The following ROBO2 variants were observed in gnomAD, a reference collection of about 807,000 sequenced individuals.
The protein encoded by ROBO2 is roundabout homolog 2.
ROBO2 carries 53 observed loss-of-function variants against 160.8 expected under a neutral mutation model. The observed-to-expected ratio is 0.33, with a 90% CI of 0.26 to 0.41. ROBO2 has a LOEUF of 0.41. ROBO2 is among the 10% of genes least tolerant of loss of function. The pLI, the probability that ROBO2 is intolerant of heterozygous loss-of-function variation, is 1.00. For synonymous variants in ROBO2, 664 were observed against 611.7 expected (o/e 1.09, Z -1.26); for missense variants, 1,577 against 1,722.4 (o/e 0.92, Z 1.49).
At chr3:76,032,168 T>G (rs1311170541) in intron 2 of ROBO2, among the ~76,000 whole-genome samples, 2 of 152,204 alleles carry the variant, frequency 1.3e-5, no homozygotes, top group African/African-American at 4.8e-5. Context: ...TATTCTCTGA[T>G]GGTAGTTTGT....
chr3:76,645,105 A>G (rs1394348540), intron 2 of ROBO2, among the ~76,000 whole-genome samples: 1 of 152,196 alleles, frequency 6.6e-6, no homozygotes, highest in Non-Finnish European at 1.5e-5. Flanking sequence ...GAAAAGAAAA[A>G]CTAAGGTCCA....
chr3:77,607,657 A>C (rs1453787732), intron 20 of ROBO2, 141 bp from the exon 22 acceptor site: 3 of 773,388 alleles, frequency 3.9e-6, no homozygotes, highest in African/African-American at 3.5e-5. Flanking sequence ...TTTTCTGATT[A>C]TATCATTTCA....
intron 1 of ROBO2, among the ~76,000 whole-genome samples, chr3:77,065,836 A>T (rs919524624): frequency 2.0e-5 from 3 of 152,124 alleles, no homozygotes; most frequent in Non-Finnish European, 2.9e-5. Flanking sequence ...GTTCAAATTA[A>T]GCCTCAGTCC....
At chr3:77,578,111 A>G (rs2093816257) in intron 15 of ROBO2, among the ~76,000 whole-genome samples, 1 of 152,094 alleles carries the variant, frequency 6.6e-6, no homozygotes, top group South Asian at 2.1e-4. Flanking sequence ...TCACCTGAAA[A>G]AAAGCCACTG....
At chr3:75,963,642 G>A (rs1407213686) in intron 2 of ROBO2, among the ~76,000 whole-genome samples, 2 of 151,838 alleles carry the variant, frequency 1.3e-5, no homozygotes, top group East Asian at 3.9e-4. Context: ...TTCTAAGGTG[G>A]CACTTAAACA....
chr3:75,997,685 G>T (rs2065770479), intron 2 of ROBO2, among the ~76,000 whole-genome samples: 1 of 151,948 alleles, frequency 6.6e-6, no homozygotes, highest in Non-Finnish European at 1.5e-5. Context: ...AGTAGAGACG[G>T]GGTTTCACCG....
intron 2 of ROBO2, among the ~76,000 whole-genome samples, chr3:76,309,111 G>A (rs921019295): frequency 3.9e-5 from 6 of 152,114 alleles, no homozygotes; most frequent in African/African-American, 1.4e-4. Flanking sequence ...GATGGAGCCA[G>A]CGGAAAGTAA....
At chr3:76,744,546 G>A (rs1014821512) in intron 2 of ROBO2, among the ~76,000 whole-genome samples, 3 of 151,864 alleles carry the variant, frequency 2.0e-5, no homozygotes, top group South Asian at 4.2e-4. Context: ...ATTTTTAGTA[G>A]CAATGAGGTC....
At chr3:76,081,721 A>G (rs2068838431) in intron 2 of ROBO2, among the ~76,000 whole-genome samples, 1 of 152,096 alleles carries the variant, frequency 6.6e-6, no homozygotes, top group African/African-American at 2.4e-5. Flanking sequence ...CTTGAGCTGG[A>G]TACCACACCT....
intron 2 of ROBO2, among the ~76,000 whole-genome samples, chr3:76,406,992 G>T (rs2075226142): frequency 1.5e-5 from 2 of 135,562 alleles, no homozygotes; most frequent in South Asian, 2.3e-4. Flanking sequence ...AGACCACCCT[G>T]AGTTGTTTTT....
rs554539407 is a variant in ROBO2, at chr3:76,627,789, G to C, written c.110-470225G>C. ...CTCGGGAAAGCTCACTTGTCTGCCT[G>C]TATTAATTATTTCTGCAGTGGGAGT... On this transcript the variant is annotated intron_variant, in intron 2 of 26. Coordinates refer to the ROBO2 transcript ENST00000487694. Among the ~76,000 whole-genome samples, 9 of 152,290 alleles carry C rather than the reference G, an allele frequency of 5.9e-5. No homozygotes were observed. In the South Asian group the frequency reaches 1.9e-3, roughly 32 times the overall value.
chr3:77,502,607 T>C (rs1398092116), intron 5 of ROBO2, among the ~76,000 whole-genome samples: 1 of 152,160 alleles, frequency 6.6e-6, no homozygotes, highest in Admixed American at 6.5e-5. Flanking sequence ...TAGGGTGTGA[T>C]TGGCCCTCTC....
intron 2 of ROBO2, among the ~76,000 whole-genome samples, chr3:76,216,010 A>G (rs1322252920): frequency 6.6e-6 from 1 of 152,214 alleles, no homozygotes; most frequent in East Asian, 1.9e-4. Flanking sequence ...AATATTCAAC[A>G]TTCTTAAAGG....
At chr3:76,158,792 T>C (rs1237178629) in intron 2 of ROBO2, among the ~76,000 whole-genome samples, 1 of 152,206 alleles carries the variant, frequency 6.6e-6, no homozygotes, top group Non-Finnish European at 1.5e-5. Flanking sequence ...ATTCTTTTCC[T>C]GATAAGGCTA....
At chr3:77,012,028 T>C (rs2061952677) in intron 2 of ROBO2, among the ~76,000 whole-genome samples, 1 of 152,184 alleles carries the variant, frequency 6.6e-6, no homozygotes, top group Non-Finnish European at 1.5e-5. Context: ...CATTTGAATA[T>C]ATTTATTTTT....
chr3:76,057,306 T>C (rs1216737778), intron 2 of ROBO2, among the ~76,000 whole-genome samples: 3 of 152,190 alleles, frequency 2.0e-5, no homozygotes, highest in Non-Finnish European at 4.4e-5. Flanking sequence ...ACACGTTTGT[T>C]CCTTCAGTAA....
intron 6 of ROBO2, among the ~76,000 whole-genome samples, chr3:77,534,575 A>G (rs2091965519): frequency 6.6e-6 from 1 of 152,188 alleles, no homozygotes; most frequent in Admixed American, 6.5e-5. Flanking sequence ...TGTTACACCT[A>G]CATATGCATG....
chr3:77,343,179 C>T (rs1388386278), intron 2 of ROBO2, among the ~76,000 whole-genome samples: 2 of 152,082 alleles, frequency 1.3e-5, no homozygotes, highest in Admixed American at 6.6e-5. Context: ...CCTATACAGT[C>T]ACATTGGGGG....
At chr3:76,364,626 A>T (rs897752508) in intron 2 of ROBO2, among the ~76,000 whole-genome samples, 1 of 152,052 alleles carries the variant, frequency 6.6e-6, no homozygotes, top group African/African-American at 2.4e-5. Context: ...TATTCTTGTT[A>T]TAGTGAGAAG....
Sources: allele counts gnomAD v4.1 joint callset (sites outside exome capture counted in the v4.1 genomes callset), GRCh38; gene constraint gnomAD v4.1.1; transcripts MANE v1.5; gene names NCBI Gene and HGNC (gene_info 2026-07-23, HGNC 2026-07-21).